Variants in DIP2C observed in about 807,000 individuals in gnomAD.
DIP2C encodes DIP2 acetate--CoA ligase C (putative).
Under a neutral mutation model 192.4 loss-of-function variants are expected in DIP2C, and 33 were observed. That is an observed-to-expected ratio of 0.17 (90% CI 0.13 to 0.23). The LOEUF (loss-of-function observed/expected upper bound fraction) is 0.23. Ranked by LOEUF, DIP2C falls within the 10% of genes least tolerant of loss-of-function variation. The pLI, the probability that DIP2C is intolerant of heterozygous loss-of-function variation, is 1.00. For synonymous variants in DIP2C, 979 were observed against 864.1 expected, an observed-to-expected ratio of 1.13 and a Z score of -2.33; for missense variants, 1,537 against 2,110.1, an observed-to-expected ratio of 0.73 and a Z score of 5.32.
chr10:548,216 C>CCCA (rs1298310041), intron 1 of DIP2C, among the ~76,000 whole-genome samples: 5 of 127,948 alleles, frequency 3.9e-5, no homozygotes, highest in African/African-American at 1.4e-4. Context: ...CCACCCCCCC[C>CCCA]CCCACAGGAA....
intron 3 of DIP2C, among the ~76,000 whole-genome samples, chr10:470,520 T>C (rs1365438722): frequency 6.6e-6 from 1 of 151,838 alleles, no homozygotes; most frequent in East Asian, 1.9e-4. Flanking sequence ...GAGATAACCA[T>C]CTCCTACTAC....
intron 1 of DIP2C, among the ~76,000 whole-genome samples, chr10:581,468 T>A (rs567070854): frequency 6.6e-6 from 1 of 152,324 alleles, no homozygotes; most frequent in African/African-American, 2.4e-5. Flanking sequence ...AGGTTTTTTT[T>A]AAAGTTATAT....
At chr10:436,311 C>T (rs1000794771) in intron 4 of DIP2C, among the ~76,000 whole-genome samples, 7 of 152,374 alleles carry the variant, frequency 4.6e-5, no homozygotes, top group East Asian at 1.9e-4. Context: ...TAAGCTTCTT[C>T]GGAAGCTTTC....
chr10:331,558 T>C (rs1349873917), intron 29 of DIP2C, among the ~76,000 whole-genome samples: 2 of 152,232 alleles, frequency 1.3e-5, no homozygotes, highest in Non-Finnish European at 2.9e-5. Flanking sequence ...AGTACAACTA[T>C]TCACACAGCA....
At chr10:336,988 G>C (rs1402637474) in intron 29 of DIP2C, among the ~76,000 whole-genome samples, 8 of 123,634 alleles carry the variant, frequency 6.5e-5, no homozygotes, top group Non-Finnish European at 3.6e-5. Flanking sequence ...CTGTGTGTGT[G>C]TGTGTTGTGG....
intron 1 of DIP2C, among the ~76,000 whole-genome samples, chr10:646,755 A>G (rs1855475509): frequency 6.6e-6 from 1 of 152,256 alleles, no homozygotes; most frequent in African/African-American, 2.4e-5. Flanking sequence ...TTAGGCTGTC[A>G]AATTATTTTA....
chr10:509,071 T>C (rs1013561042), intron 1 of DIP2C, among the ~76,000 whole-genome samples: 5 of 152,186 alleles, frequency 3.3e-5, no homozygotes, highest in Non-Finnish European at 5.9e-5. Context: ...CAGGGACTGC[T>C]GTGGACAGAC....
At chr10:648,921 T>C (rs149318873) in intron 1 of DIP2C, among the ~76,000 whole-genome samples, 4,860 of 146,126 alleles carry the variant, frequency 0.033, 243 homozygotes, top group African/African-American at 0.11. Flanking sequence ...CACGTCCACA[T>C]TGGATGGTGG....
Position 652,970 on chromosome 10 carries a change from A to T in DIP2C, c.85+36524T>A, listed in dbSNP as rs530567364. Among the ~76,000 whole-genome samples the T allele has an allele frequency of 6.6e-6, 1 of 151,846 alleles. No homozygotes were observed. Among genetic ancestry groups the T allele is most frequent in the Non-Finnish European group, 1.5e-5 (1 of 67,942 alleles). ...ACCCTCGCAAGACTGTGGGCATCTC[A>T]AGGTGCCCCACGTCCCCAAAGACCA... On this transcript the variant is annotated intron_variant, in intron 1 of 36. Coordinates refer to ENST00000280886, the MANE Select transcript of DIP2C (RefSeq NM_014974.3). This position sits in a 1 kb window ranked among gnomAD's most constrained non-coding sequence, Gnocchi z 4.5.
In DIP2C at chr10:636,990, C is replaced by T. The variant is rs968310891; in HGVS notation, c.85+52504G>A. On this transcript the variant is annotated intron_variant, in intron 1 of 36. Transcript: ENST00000280886. This position sits in a 1 kb window ranked among gnomAD's most constrained non-coding sequence, Gnocchi z 4.6. ...TCGTGTGCACCAGCACCCACATCCC[C>T]GCATCAGAAACACCTGGAGGGGCCG... Among the ~76,000 whole-genome samples, 2 of 152,374 alleles carry T rather than the reference C, an allele frequency of 1.3e-5. No individual in the cohort carries two copies. The highest frequency in any genetic ancestry group is 3.4e-3 in the Middle Eastern group (1 of 294).
At position 467,131 on chromosome 10, in the gene DIP2C, C is replaced by G. The variant is rs564560423; in HGVS notation, c.268+5308G>C. ...CACAATAGCAAAGACTTAGAACCAA[C>G]CCAAATGTCCAACAATGATAGACTG... On this transcript the variant is annotated intron_variant, in intron 3 of 36. Coordinates refer to ENST00000280886, the MANE Select transcript of DIP2C (RefSeq NM_014974.3). 1.8e-3 allele frequency among the ~76,000 whole-genome samples: 277 copies of G among 152,148 alleles called. 2 individuals carry two copies. The highest frequency in any genetic ancestry group is 3.4e-3 in the Middle Eastern group (1 of 294).
In DIP2C at chr10:300,161, A is replaced by T. The variant is rs138182611; in HGVS notation, c.3986+9870T>A. On this transcript the variant is annotated intron_variant, in intron 32 of 36. Transcript: ENST00000280886. ...TGGTTCAGCAATTCCACTTCTGAGT[A>T]TATACCCAGAAGAACTGAAACCAGG... Among the ~76,000 whole-genome samples, 1,287 of 152,360 alleles carry T rather than the reference A, an allele frequency of 8.4e-3. 31 individuals are homozygous for T. Among genetic ancestry groups the T allele is most frequent in the Admixed American group, 0.055 (840 of 15,300 alleles).
chr10:375,855 G>A (rs976104795), intron 17 of DIP2C, among the ~76,000 whole-genome samples: 3 of 111,922 alleles, frequency 2.7e-5, no homozygotes, highest in African/African-American at 7.2e-5. Flanking sequence ...TTAAGCAAGT[G>A]AGTCAACAAG....
chr10:480,065 G>A (rs1843480769), intron 2 of DIP2C, among the ~76,000 whole-genome samples: 1 of 149,926 alleles, frequency 6.7e-6, no homozygotes, highest in Admixed American at 6.6e-5. Context: ...ACGCTCACTG[G>A]ATGAGTGTCA....
chr10:647,119 C>T (rs569348329), intron 1 of DIP2C, among the ~76,000 whole-genome samples: 33 of 151,878 alleles, frequency 2.2e-4, no homozygotes, highest in Non-Finnish European at 3.8e-4. Context: ...ACTGAGTCCA[C>T]GTCCACATTT....
At position 465,156 on chromosome 10, in the gene DIP2C, G is replaced by A. The variant is rs529817680; in HGVS notation, c.268+7283C>T. On this transcript the variant is annotated intron_variant, in intron 3 of 36. Coordinates refer to ENST00000280886, the MANE Select transcript of DIP2C (RefSeq NM_014974.3). ...ATCCTCAATAAAATACTGGCAAACC[G>A]AATCCAGCAGCACATCAAAAAGCTT... 1.9e-4 allele frequency among the ~76,000 whole-genome samples: 25 copies of A among 128,220 alleles called. 1 individual carries two copies. Among genetic ancestry groups the A allele is most frequent in the East Asian group, 6.5e-4 (3 of 4,598 alleles). 84.1% of individuals were successfully genotyped at this position (128,220 alleles called of 152,430 possible).
At chr10:420,306 G>A (rs979187685) in intron 5 of DIP2C, among the ~76,000 whole-genome samples, 5 of 152,276 alleles carry the variant, frequency 3.3e-5, no homozygotes, top group Non-Finnish European at 7.3e-5. Flanking sequence ...CCGGGTGGGC[G>A]GTGCCGAGCT....
chr10:308,967 G>A (rs1956455841), intron 32 of DIP2C, among the ~76,000 whole-genome samples: 1 of 152,174 alleles, frequency 6.6e-6, no homozygotes, highest in South Asian at 2.1e-4. Context: ...TGTGCTGATC[G>A]AAAATGCCTC....
chr10:370,288 G>T (rs181623321), intron 17 of DIP2C, among the ~76,000 whole-genome samples: 3 of 152,338 alleles, frequency 2.0e-5, no homozygotes, highest in East Asian at 3.9e-4. Flanking sequence ...AGACCACTGC[G>T]CACACGTTCA....
Sources: gnomAD v4.1 joint callset for allele counts (sites outside exome capture counted in the v4.1 genomes callset) on GRCh38, gnomAD v4.1.1 for gene constraint, Gnocchi (gnomAD v3.1) non-coding constraint, MANE v1.5 for transcripts, NCBI Gene and HGNC (gene_info 2026-07-23, HGNC 2026-07-21) for gene names.